The following NEIL2 variants were observed in gnomAD, a reference collection of about 807,000 sequenced individuals.
The protein encoded by NEIL2 is nei like DNA glycosylase 2.
NEIL2 carries 23 observed loss-of-function variants against 22.2 expected under a neutral mutation model. That is an observed-to-expected ratio of 1.04 (90% CI 0.75 to 1.47). The LOEUF is 1.47. Among genes scored for constraint, NEIL2 ranks in the 40% most tolerant of loss-of-function variants. The pLI is 0.00. For missense variants in NEIL2, 583 were observed against 404.7 expected (o/e 1.44, Z -3.78); for synonymous variants, 229 against 164.8 (o/e 1.39, Z -2.99).
intron 2 of NEIL2, among the ~76,000 whole-genome samples, chr8:11,778,630 A>G (rs1005394896): frequency 3.9e-5 from 6 of 152,172 alleles, no homozygotes; most frequent in African/African-American, 1.2e-4. Flanking sequence ...TACATATTGC[A>G]TATCAGGAGG....
intron 2 of NEIL2, among the ~76,000 whole-genome samples, chr8:11,778,623 A>G (rs928228274): frequency 1.3e-5 from 2 of 152,098 alleles, no homozygotes; most frequent in Non-Finnish European, 2.9e-5. Flanking sequence ...CTAGGCCTAC[A>G]TATTGCATAT....
In NEIL2 at chr8:11,771,461, C is replaced by T. The variant is rs767098410; in HGVS notation, c.14C>T (p.Pro5Leu). Residue 5 changes from proline to leucine, a missense_variant, in exon 2 of 5, where the codon CCG becomes CTG. By Grantham distance (98) the Pro-to-Leu change is moderately conservative. Transcript: ENST00000284503. ...CTGCCCACAGGGATGCCAGAAGGGCCGTTGGTGAGGAAATTTCACCATTTG... is the reference window on the plus strand; with the variant it reads ...CTGCCCACAGGGATGCCAGAAGGGCTGTTGGTGAGGAAATTTCACCATTTG... MPEG[P>L]LVRKFHHLVS... is the part of the protein sequence containing the mutation. 8.7e-6 allele frequency: 14 copies of T among 1,613,898 alleles called. No homozygotes were observed. Among genetic ancestry groups the T allele is most frequent in the Admixed American group, 1.7e-5 (1 of 60,028 alleles).
At chr8:11,785,553 G>T (rs550919168) in intron 4 of NEIL2, among the ~76,000 whole-genome samples, 2 of 152,304 alleles carry the variant, frequency 1.3e-5, no homozygotes, top group Admixed American at 6.5e-5. Flanking sequence ...ACTGTGCTCA[G>T]CGTCTTTTGG....
In NEIL2 at chr8:11,786,211, T is replaced by A. The variant is rs1367745247; in HGVS notation, c.937T>A (p.Trp313Arg). Reference sequence around the variant, plus strand: ...CGAAGATGGGTTACAGAGGCTCACCTGGTGGTGCCCGCAGTGCCAGCCCCA... The same window carrying A: ...CGAAGATGGGTTACAGAGGCTCACCAGGTGGTGCCCGCAGTGCCAGCCCCA... ...GPEDGLQRLT[W>R]WCPQCQPQLS... Residue 313 changes from tryptophan to arginine, a missense_variant, in exon 5 of 5, where the codon TGG becomes AGG. Transcript: ENST00000284503. 1 of 1,613,412 alleles carries A rather than the reference T, an allele frequency of 6.2e-7. No homozygotes were observed. The highest frequency in any genetic ancestry group is 8.5e-7 in the Non-Finnish European group (1 of 1,180,018).
chr8:11,783,496 C>A, intron 4 of NEIL2, 97 bp downstream of exon 4: 1 of 1,035,356 alleles, frequency 9.7e-7, no homozygotes, highest in Non-Finnish European at 1.5e-6. Flanking sequence ...CTAGTTGTGC[C>A]AGTGCTGTTG....
rs1435980693 is a variant in NEIL2 at position 11,783,274 on chromosome 8, C to T, written c.563C>T (p.Pro188Leu). ...TGTCAGTTGTCTTGGAGCTCTTCCC[C>T]AGTGGTCACACCCACCTGTGACATC... is the stretch of plus-strand genomic sequence containing the variant. ...YNCQLSWSSS[P>L]VVTPTCDILS... The change falls in exon 4 of 5, where the codon CCA becomes CTA. Residue 188 changes from proline (P) to leucine (L), a missense_variant. Coordinates refer to ENST00000284503, the MANE Select transcript of NEIL2 (RefSeq NM_145043.4). 1.6e-5 allele frequency: 26 copies of T among 1,614,112 alleles called. No homozygotes were observed. Among genetic ancestry groups the T allele is most frequent in the Non-Finnish European group, 2.1e-5 (25 of 1,180,034 alleles).
chr8:11,784,825 G>C (rs529545350), intron 4 of NEIL2, among the ~76,000 whole-genome samples: 5 of 152,240 alleles, frequency 3.3e-5, no homozygotes, highest in Admixed American at 1.3e-4. Context: ...TAAGATAACA[G>C]CTCCCGAAAC....
rs769994312 is a variant in NEIL2, at chr8:11,786,039, G to A, written c.765G>A (p.Ser255=). Residue 255 remains serine (S), a synonymous_variant, in exon 5 of 5, where the codon TCG becomes TCA. Coordinates refer to ENST00000284503, the MANE Select transcript of NEIL2 (RefSeq NM_145043.4). ...CTCTCGGTTCAGTCCTGAGTGCCTC[G>A]CGTCGGGAGGTCCTGGTGGATCACG... ...PLSLGSVLSA[S]RREVLVDHVV... 17 of 1,613,976 alleles carry A rather than the reference G, an allele frequency of 1.1e-5. 1 individual carries two copies. The highest frequency in any genetic ancestry group is 7.7e-5 in the South Asian group (7 of 91,088).
rs575978316 is a variant in NEIL2, at chr8:11,783,413, G to A, written c.688+14G>A. The A allele has an allele frequency of 8.1e-6, 13 of 1,609,714 alleles. No homozygotes were observed. The highest frequency in any genetic ancestry group is 5.5e-5 in the South Asian group (5 of 90,962). On this transcript the variant is annotated intron_variant, in intron 4 of 4. Transcript: ENST00000284503. ...TCTCAGGGCTAGGTATGACTCATGG[G>A]AAAGGGGTGAGTCCACAGAGTTGCT... is the stretch of plus-strand genomic sequence containing the variant.
chr8:11,783,006 G>C (rs1190737765), intron 3 of NEIL2, 197 bp from the exon 4 acceptor site: 1 of 656,596 alleles, frequency 1.5e-6, no homozygotes, highest in Non-Finnish European at 2.8e-6. Flanking sequence ...GCATGATCCA[G>C]CCACAGAGTG....
Position 11,773,246 on chromosome 8 carries a change from A to T in NEIL2, c.138+1661A>T, listed in dbSNP as rs8191550. On this transcript the variant is annotated intron_variant, in intron 2 of 4. Coordinates refer to ENST00000284503, the MANE Select transcript of NEIL2 (RefSeq NM_145043.4). ...ATTTCCCAAGTGGATGGGTGGGCAGATGGATGTGCGGTGAAGGAACCCGTA... is the reference window on the plus strand; with the variant it reads ...ATTTCCCAAGTGGATGGGTGGGCAGTTGGATGTGCGGTGAAGGAACCCGTA... Among the ~76,000 whole-genome samples the T allele has an allele frequency of 1.6e-3, 239 of 152,242 alleles. 2 individuals carry two copies. Among genetic ancestry groups the T allele is most frequent in the African/African-American group, 5.5e-3 (229 of 41,542 alleles).
rs1402464725 is a variant in NEIL2 at position 11,779,870 on chromosome 8, G to T, written c.411G>T (p.Leu137Phe). 6.2e-7 allele frequency: 1 copy of T among 1,614,178 alleles called. No homozygotes were observed. The highest frequency in any genetic ancestry group is 1.7e-5 in the Admixed American group (1 of 60,026). The change falls in exon 3 of 5, where the codon TTG (leucine) becomes TTT (phenylalanine). Residue 137 changes from leucine (L) to phenylalanine (F), a missense_variant. Coordinates refer to ENST00000284503, the MANE Select transcript of NEIL2 (RefSeq NM_145043.4). ...GGTGGCTGCGTGTCAGCTTTGGTTT[G>T]TTTGGCAGCGTTTGGGTGAACGATT... ...AGRWLRVSFG[L>F]FGSVWVNDFS...
Position 11,785,946 on chromosome 8 carries a change from C to G in NEIL2, c.689-17C>G, listed in dbSNP as rs1412886805. ...GTGTCCTTTGTCCTTCCCTTACCTT[C>G]CCCCGCTTTATTTCAGGGAACATCA... On this transcript the variant is annotated splice_polypyrimidine_tract_variant and intron_variant, in intron 4 of 4. Coordinates refer to ENST00000284503, the MANE Select transcript of NEIL2 (RefSeq NM_145043.4). The G allele has an allele frequency of 3.1e-6, 5 of 1,611,556 alleles. No homozygotes were observed. The highest frequency in any genetic ancestry group is 2.7e-5 in the African/African-American group (2 of 74,868).
rs1319795425 is a variant in NEIL2, at chr8:11,778,734, T to G, written c.139-864T>G. Among the ~76,000 whole-genome samples the G allele has an allele frequency of 3.3e-5, 5 of 151,864 alleles. No individual in the cohort carries two copies. The East Asian group carries it at 5.8e-4, about 18-fold the overall frequency. On this transcript the variant is annotated intron_variant, in intron 2 of 4. Coordinates refer to ENST00000284503, the MANE Select transcript of NEIL2 (RefSeq NM_145043.4). ...TGGGAGGCCAAGACGGGCAGATCGC[T>G]TGAGGTCAGGAGTTCGAGACCAGCC...
In NEIL2 at chr8:11,783,232, T is replaced by G; in HGVS notation, c.521T>G (p.Phe174Cys). Residue 174 changes from phenylalanine (F) to cysteine (C), a missense_variant, in exon 4 of 5, where the codon TTC (phenylalanine) becomes TGC (cysteine). Physicochemically the swap from Phe to Cys is radical, Grantham distance 205. Coordinates refer to ENST00000284503, the MANE Select transcript of NEIL2 (RefSeq NM_145043.4). ...RLVLHFGGGG[F>C]LAFYNCQLSW... ...GTCCTGCACTTTGGTGGTGGTGGCT[T>G]CCTGGCATTTTATAATTGTCAGTTG... 3 of 1,614,252 alleles carry G rather than the reference T, an allele frequency of 1.9e-6. No individual in the cohort carries two copies. The highest frequency in any genetic ancestry group is 2.5e-6 in the Non-Finnish European group (3 of 1,180,038).
chr8:11,774,826 T>C (rs1189511714), intron 2 of NEIL2, among the ~76,000 whole-genome samples: 1 of 152,218 alleles, frequency 6.6e-6, no homozygotes, highest in African/African-American at 2.4e-5. Flanking sequence ...GGCAGTCAAA[T>C]CTTAAAGCTC....
At chr8:11,771,709 G>A (rs781506706) in intron 2 of NEIL2, 124 bp downstream of exon 2, 7 of 942,100 alleles carry the variant, frequency 7.4e-6, no homozygotes, top group African/African-American at 1.6e-5. Flanking sequence ...CGGACTCCAT[G>A]CAGCTCCCTC....
intron 4 of NEIL2, among the ~76,000 whole-genome samples, chr8:11,784,628 C>CT (rs1281487244): frequency 6.6e-6 from 1 of 152,178 alleles, no homozygotes; most frequent in Non-Finnish European, 1.5e-5. Flanking sequence ...ACCACCTCTC[C>CT]TTAAGGAGAT....
At chr8:11,772,192 G>C (rs1329549289) in intron 2 of NEIL2, among the ~76,000 whole-genome samples, 1 of 148,472 alleles carries the variant, frequency 6.7e-6, no homozygotes, top group Non-Finnish European at 1.5e-5. Flanking sequence ...GACAGAGTGA[G>C]ACTCCGTCTC....
Sources: gnomAD v4.1 joint callset for allele counts (sites outside exome capture counted in the v4.1 genomes callset) on GRCh38, gnomAD v4.1.1 for gene constraint, MANE v1.5 for transcripts, NCBI Gene and HGNC (gene_info 2026-07-23, HGNC 2026-07-21) for gene names.